RNF17: variants seen among roughly 807,000 people sequenced by gnomAD.
RNF17 encodes ring finger protein 17.
Under a neutral mutation model 200.5 loss-of-function variants are expected in RNF17, and 31 were observed. That is an observed-to-expected ratio of 0.15 (90% CI 0.12 to 0.21). The LOEUF is 0.21. Among genes scored for constraint, RNF17 ranks in the 10% least tolerant of loss-of-function variants. RNF17 has a pLI of 1.00. For synonymous variants in RNF17, 606 were observed against 637.8 expected, an observed-to-expected ratio of 0.95 and a Z score of 0.75; for missense variants, 1,628 against 1,905.1, an observed-to-expected ratio of 0.85 and a Z score of 2.71.
downstream of RNF17, chr13:24,884,548 A>AT (rs1485174809): frequency 6.8e-6 from 9 of 1,327,018 alleles, no homozygotes; most frequent in East Asian, 4.6e-5. Context: ...CTACTTTGAA[A>AT]TTTTTTGTAA....
chr13:24,752,093 G>A, the RNF17 span: 1 of 152,248 alleles, frequency 6.6e-6, no homozygotes, highest in Non-Finnish European at 1.5e-5. Context: ...CCGTATCATG[G>A]GAAAATAGTT....
chr13:24,847,173 C>CAA (rs1174362921), intron 22 of RNF17, among the ~76,000 whole-genome samples: 4 of 151,812 alleles, frequency 2.6e-5, no homozygotes, highest in Admixed American at 1.3e-4. Context: ...ATGTGCTTTA[C>CAA]GTGTGTTAGT....
intron 16 of RNF17, among the ~76,000 whole-genome samples, chr13:24,827,104 G>C (rs993172206): frequency 6.6e-6 from 1 of 150,976 alleles, no homozygotes; most frequent in African/African-American, 2.4e-5. Context: ...TAATTTTTTT[G>C]TATTTTTAGT....
chr13:24,810,528 T>G (rs1163819021), intron 15 of RNF17, among the ~76,000 whole-genome samples: 171 of 134,088 alleles, frequency 1.3e-3, no homozygotes, highest in African/African-American at 2.1e-3. Flanking sequence ...TTTGAGCCTA[T>G]GTGTGTCTCT....
intron 28 of RNF17, among the ~76,000 whole-genome samples, chr13:24,863,809 C>CA (rs1270734742): frequency 6.6e-6 from 1 of 152,156 alleles, no homozygotes; most frequent in Non-Finnish European, 1.5e-5. Flanking sequence ...CAAAGGCTGC[C>CA]AGGTGTCTCA....
At chr13:24,830,303 A>C (rs1889244830) in intron 16 of RNF17, among the ~76,000 whole-genome samples, 181 bp from the exon 17 acceptor site, 1 of 152,156 alleles carries the variant, frequency 6.6e-6, no homozygotes, top group Non-Finnish European at 1.5e-5. Context: ...CATTCTTATA[A>C]GTCTGCACTA....
chr13:24,883,121 TAC>T (rs1953908985), downstream of RNF17: 8 of 1,403,982 alleles, frequency 5.7e-6, no homozygotes, highest in Non-Finnish European at 8.1e-6. Flanking sequence ...ACAGTAAATG[TAC>T]ATTTTTTAAC....
At chr13:24,754,917 CATT>C in the RNF17 span, among the ~76,000 whole-genome samples, 1 of 151,254 alleles carries the variant, frequency 6.6e-6, no homozygotes, top group East Asian at 1.9e-4. Context: ...AAAAAGATTG[CATT>C]ATTCAATCTT....
At chr13:24,887,581 A>C in the RNF17 span, among the ~76,000 whole-genome samples, 1 of 152,156 alleles carries the variant, frequency 6.6e-6, no homozygotes, top group Non-Finnish European at 1.5e-5. Flanking sequence ...CCCAGATGGG[A>C]CCATCTAATT....
Position 24,778,346 on chromosome 13 carries a change from T to C in RNF17, c.369T>C (p.Thr123=), listed in dbSNP as rs1315616426. The change falls in exon 4 of 36, where the codon ACT becomes ACC. Residue 123 remains threonine, a synonymous_variant. Coordinates refer to ENST00000255324, the MANE Select transcript of RNF17 (RefSeq NM_031277.3). ...AGAAGACTGCTGATCAGCTAACTAC[T>C]GGTTTAGAACGTTCAGCCTCCACAG... The part of the protein sequence containing the change: ...DFKKTADQLT[T]GLERSASTDK... 1.2e-6 allele frequency: 2 copies of C among 1,613,802 alleles called. No individual in the cohort carries two copies. The highest frequency in any genetic ancestry group is 1.7e-6 in the Non-Finnish European group (2 of 1,179,828).
chr13:24,884,455 C>G (rs777321606), downstream of RNF17: 1 of 1,613,936 alleles, frequency 6.2e-7, no homozygotes, highest in South Asian at 1.1e-5. Flanking sequence ...TCTTATAAAC[C>G]TTTTCCACCT....
At chr13:24,870,449 CAGG>C in intron 31 of RNF17, 119 bp from the exon 32 acceptor site, 1 of 697,694 alleles carries the variant, frequency 1.4e-6, no homozygotes. Context: ...AGGTGAATAT[CAGG>C]AGGTGTAGGG....
At chr13:24,874,296 AAT>A in intron 33 of RNF17, 47 bp downstream of exon 33, 1 of 1,475,706 alleles carries the variant, frequency 6.8e-7, no homozygotes, top group Non-Finnish European at 9.1e-7. Flanking sequence ...TTTTTTTTTA[AAT>A]AGTTTTCTTA....
rs557727073 is a variant in RNF17 at position 24,856,749 on chromosome 13, T to C, written c.3611-2252T>C. On this transcript the variant is annotated intron_variant, in intron 25 of 35. Coordinates refer to ENST00000255324, the MANE Select transcript of RNF17 (RefSeq NM_031277.3). ...TATCCCTACACCAATACCAGTTTTT[T>C]TCCTGAAGATAGCCTATACTACTTT... 7.0e-4 allele frequency among the ~76,000 whole-genome samples: 106 copies of C among 152,342 alleles called. 1 individual carries two copies. Among genetic ancestry groups the C allele is most frequent in the African/African-American group, 2.5e-3 (104 of 41,586 alleles).
At chr13:24,874,443 T>G (rs1438542866) in intron 33 of RNF17, among the ~76,000 whole-genome samples, 194 bp downstream of exon 33, 5 of 150,888 alleles carry the variant, frequency 3.3e-5, no homozygotes, top group Non-Finnish European at 7.4e-5. Context: ...TGAGTCTTGC[T>G]CTGTTGCCCA....
chr13:24,813,675 G>A (rs1887031689), intron 15 of RNF17, among the ~76,000 whole-genome samples: 1 of 151,896 alleles, frequency 6.6e-6, no homozygotes, highest in African/African-American at 2.4e-5. Context: ...CTGTTGCTTA[G>A]GCTGGAGTGC....
chr13:24,748,188 T>C, the RNF17 span, among the ~76,000 whole-genome samples: 275 of 152,324 alleles, frequency 1.8e-3, no homozygotes, highest in African/African-American at 6.3e-3. Context: ...TCACCCCTAA[T>C]TGAGTTATCG....
At chr13:24,883,916 C>G (rs775953155), downstream of RNF17, 4 of 1,612,720 alleles carry the variant, frequency 2.5e-6, no homozygotes, top group South Asian at 4.4e-5. Flanking sequence ...CACAGATGAA[C>G]AGGTGTCACA....
chr13:24,882,169 G>GATAGATAT (rs1555294200), downstream of RNF17: 16 of 1,894 alleles, frequency 8.4e-3, 2 homozygotes, highest in South Asian at 9.8e-3. Context: ...CATCTATATA[G>GATAGATAT]ATAGATACAT....
Sources: gnomAD v4.1 joint callset for allele counts (sites outside exome capture counted in the v4.1 genomes callset) on GRCh38, gnomAD v4.1.1 for gene constraint, MANE v1.5 for transcripts, NCBI Gene and HGNC (gene_info 2026-07-23, HGNC 2026-07-21) for gene names.